Variants in PSD3 observed in about 807,000 individuals in gnomAD.
PSD3 encodes PH and SEC7 domain-containing protein 3.
PSD3 carries 49 observed loss-of-function variants against 105.5 expected under a neutral mutation model. The observed-to-expected ratio is 0.46, with a 90% CI of 0.37 to 0.59. The LOEUF (loss-of-function observed/expected upper bound fraction) is 0.59. Ranked by LOEUF, PSD3 falls within the 20% of genes least tolerant of loss-of-function variation. PSD3 has a pLI of 0.00. For missense variants in PSD3, 1,561 were observed against 1,263.8 expected (o/e 1.24, Z -3.57); for synonymous variants, 557 against 457.8 (o/e 1.22, Z -2.77).
intron 4 of PSD3, among the ~76,000 whole-genome samples, chr8:18,859,836 C>T (rs1816302626): frequency 6.6e-6 from 1 of 152,206 alleles, no homozygotes; most frequent in African/African-American, 2.4e-5. Flanking sequence ...ATTTGATCTT[C>T]TATCCAGACC....
intron 9 of PSD3, among the ~76,000 whole-genome samples, chr8:18,753,810 A>C (rs2129439822): frequency 1.3e-5 from 2 of 152,272 alleles, no homozygotes; most frequent in African/African-American, 4.8e-5. Context: ...AACAAAATGT[A>C]ACATTTTTGA....
At chr8:18,781,068 C>A (rs1305298784) in intron 8 of PSD3, among the ~76,000 whole-genome samples, 1 of 152,068 alleles carries the variant, frequency 6.6e-6, no homozygotes, top group African/African-American at 2.4e-5. Context: ...GTTTGTTCTG[C>A]TTTTCACCAC....
In PSD3 at chr8:18,928,228, G is replaced by C. The variant is rs1821503495; in HGVS notation, c.130+7806C>G. On this transcript the variant is annotated intron_variant, in intron 2 of 15. Coordinates refer to ENST00000327040, the MANE Select transcript of PSD3 (RefSeq NM_015310.4). ...TTTCCCCCATACTGTTCTCATGATA[G>C]CAAATAAGTCTCATGAGATCTGATG... is the stretch of plus-strand genomic sequence containing the variant. Among the ~76,000 whole-genome samples the C allele has an allele frequency of 2.0e-5, 3 of 152,150 alleles. No individual in the cohort carries two copies. In the South Asian group the frequency reaches 6.2e-4, roughly 32 times the overall value.
At chr8:18,898,354 A>G (rs1819286312) in intron 2 of PSD3, among the ~76,000 whole-genome samples, 1 of 152,144 alleles carries the variant, frequency 6.6e-6, no homozygotes, top group Non-Finnish European at 1.5e-5. Flanking sequence ...CTGTATAATG[A>G]CCTTCTTTGT....
intron 9 of PSD3, among the ~76,000 whole-genome samples, chr8:18,740,515 A>C (rs1804482087): frequency 6.6e-6 from 1 of 152,102 alleles, no homozygotes; most frequent in African/African-American, 2.4e-5. Flanking sequence ...CCCTCTTATT[A>C]TTGGCAGAGA....
intron 14 of PSD3, among the ~76,000 whole-genome samples, chr8:18,561,114 A>T (rs2717723): frequency 0.27 from 40,891 of 152,108 alleles, 5,647 homozygotes; most frequent in East Asian, 0.41. Context: ...TGAAATCAGT[A>T]TCTCAAAAAG....
At chr8:18,969,488 T>C (rs1032372519) in intron 1 of PSD3, among the ~76,000 whole-genome samples, 20 of 152,246 alleles carry the variant, frequency 1.3e-4, no homozygotes, top group Non-Finnish European at 2.8e-4. Context: ...AATGTATGCA[T>C]GTTTTAGGCC....
chr8:18,839,932 G>A (rs1814474151), intron 4 of PSD3, among the ~76,000 whole-genome samples: 1 of 152,136 alleles, frequency 6.6e-6, no homozygotes. Flanking sequence ...ATCATTCACA[G>A]AGACAGACAG....
chr8:19,030,691 A>C (rs1205538050), intron 1 of PSD3, among the ~76,000 whole-genome samples: 2 of 152,034 alleles, frequency 1.3e-5, no homozygotes, highest in Non-Finnish European at 2.9e-5. Context: ...TGAACCAATT[A>C]AACCTCTTTT....
At chr8:18,882,082 C>T (rs1818141771) in intron 2 of PSD3, among the ~76,000 whole-genome samples, 1 of 152,010 alleles carries the variant, frequency 6.6e-6, no homozygotes. Context: ...GTGGTGTGTG[C>T]CTGTGCTCCC....
chr8:18,757,368 T>A (rs113789696), intron 9 of PSD3, among the ~76,000 whole-genome samples: 4,650 of 151,600 alleles, frequency 0.031, 69 homozygotes, highest in Middle Eastern at 0.059. Context: ...GGAGGCTGTG[T>A]CAGGAGAATC....
intron 1 of PSD3, among the ~76,000 whole-genome samples, chr8:18,946,695 T>C (rs1346407540): frequency 6.6e-6 from 1 of 150,578 alleles, no homozygotes; most frequent in African/African-American, 2.4e-5. Context: ...AGGTCAGGAG[T>C]TCAAGACAAG....
intron 10 of PSD3, among the ~76,000 whole-genome samples, chr8:18,642,924 G>A (rs1485357964): frequency 6.6e-6 from 1 of 152,170 alleles, no homozygotes; most frequent in Non-Finnish European, 1.5e-5. Flanking sequence ...GTTCAGCTGA[G>A]AAAACAAGTA....
rs1007099444 is a variant in PSD3 at position 18,845,683 on chromosome 8, T to A, written c.1634+21991A>T. Among the ~76,000 whole-genome samples the A allele has an allele frequency of 5.3e-5, 8 of 152,036 alleles. 1 individual carries two copies. Among genetic ancestry groups the A allele is most frequent in the Admixed American group, 5.2e-4 (8 of 15,262 alleles). Reference sequence around the variant, plus strand: ...TGGGTGTGGTGGCTCGCACCTGTAATCCCAACACTTTGAGAGGGCAAAGCA... The same window carrying A: ...TGGGTGTGGTGGCTCGCACCTGTAAACCCAACACTTTGAGAGGGCAAAGCA... On this transcript the variant is annotated intron_variant, in intron 4 of 15. Transcript: ENST00000327040.
At chr8:18,703,427 A>G (rs1172367800) in intron 9 of PSD3, among the ~76,000 whole-genome samples, 1 of 152,204 alleles carries the variant, frequency 6.6e-6, no homozygotes, top group Non-Finnish European at 1.5e-5. Flanking sequence ...ACTATCCTTC[A>G]GTTCTTCATT....
chr8:18,753,369 C>A (rs1170170824), intron 9 of PSD3, among the ~76,000 whole-genome samples: 3 of 151,000 alleles, frequency 2.0e-5, no homozygotes, highest in Admixed American at 2.0e-4. Context: ...AAAAAAAAAT[C>A]CACACAAAAG....
chr8:18,743,157 G>A (rs1804715641), intron 9 of PSD3, among the ~76,000 whole-genome samples: 1 of 152,110 alleles, frequency 6.6e-6, no homozygotes, highest in Non-Finnish European at 1.5e-5. Flanking sequence ...GCCCTTTGAA[G>A]GTTCACTGAA....
chr8:18,768,292 T>A (rs976024751), intron 8 of PSD3, among the ~76,000 whole-genome samples: 4 of 150,584 alleles, frequency 2.7e-5, no homozygotes, highest in Non-Finnish European at 4.4e-5. Context: ...GTTCAAAAAA[T>A]AAATAAATAA....
chr8:18,708,948 C>G (rs942149842), intron 9 of PSD3, among the ~76,000 whole-genome samples: 1 of 152,156 alleles, frequency 6.6e-6, no homozygotes, highest in Non-Finnish European at 1.5e-5. Context: ...AGGGAAACCA[C>G]GCTTTTTCCA....
Sources: gnomAD v4.1 joint callset for allele counts (sites outside exome capture counted in the v4.1 genomes callset) on GRCh38, gnomAD v4.1.1 for gene constraint, MANE v1.5 for transcripts, NCBI Gene and HGNC (gene_info 2026-07-23, HGNC 2026-07-21) for gene names.